DNAJA4: variants seen among roughly 807,000 people sequenced by gnomAD.
DNAJA4 encodes dnaJ homolog subfamily A member 4.
Under a neutral mutation model 39.7 loss-of-function variants are expected in DNAJA4, and 32 were observed. The ratio of observed to expected loss-of-function variants is 0.81; its 90% CI spans 0.61 to 1.08. DNAJA4 has a LOEUF of 1.08. Ranked by LOEUF, DNAJA4 falls within the 50% of genes least tolerant of loss-of-function variation. DNAJA4 has a pLI of 0.00. For missense variants in DNAJA4, 439 were observed against 505.1 expected (o/e 0.87, Z 1.25); for synonymous variants, 184 against 182.4 (o/e 1.01, Z -0.07).
chr15:78,266,210 C>T, intron 1 of DNAJA4: 2 of 1,613,642 alleles, frequency 1.2e-6, no homozygotes, highest in Non-Finnish European at 8.5e-7. Flanking sequence ...TTGTAGGCTT[C>T]TAATTTCACA....
chr15:78,267,161 T>TGTGA (rs1488209740), intron 1 of DNAJA4, among the ~76,000 whole-genome samples: 2 of 109,642 alleles, frequency 1.8e-5, no homozygotes, highest in Non-Finnish European at 3.9e-5. Context: ...TGAGTGTGTA[T>TGTGA]GTGAGTGTGT....
chr15:78,271,695 T>G (rs577042545), intron 2 of DNAJA4, among the ~76,000 whole-genome samples: 92 of 152,340 alleles, frequency 6.0e-4, no homozygotes, highest in Non-Finnish European at 1.3e-4. Flanking sequence ...ATCTCACCTC[T>G]GCCAGGCTAC....
chr15:78,267,160 A>ATGTGGGTG (rs1172183770), intron 1 of DNAJA4, among the ~76,000 whole-genome samples: 1 of 131,160 alleles, frequency 7.6e-6, no homozygotes. Flanking sequence ...GTGAGTGTGT[A>ATGTGGGTG]TGTGAGTGTG....
chr15:78,267,357 G>A (rs1241576198), intron 1 of DNAJA4, among the ~76,000 whole-genome samples: 2 of 152,110 alleles, frequency 1.3e-5, no homozygotes, highest in African/African-American at 2.4e-5. Context: ...TGAGAAGGCC[G>A]TTGAAATGTT....
chr15:78,270,037 C>T (rs1219507111), intron 1 of DNAJA4: 1 of 153,338 alleles, frequency 6.5e-6, no homozygotes, highest in Non-Finnish European at 1.5e-5. Context: ...CAATGTCTGG[C>T]ACGTGGTTAG....
At chr15:78,265,740 C>G (rs2049105416) in intron 1 of DNAJA4, 1 of 681,330 alleles carries the variant, frequency 1.5e-6, no homozygotes, top group Non-Finnish European at 2.7e-6. Flanking sequence ...TTCCTCCTTT[C>G]ACTTCTTGCC....
chr15:78,280,028 G>T lies in DNAJA4; in HGVS notation c.878-17G>T, dbSNP rs761754689. 6 of 1,613,354 alleles carry T rather than the reference G, an allele frequency of 3.7e-6. No individual in the cohort carries two copies. The East Asian group carries it at 1.1e-4, about 30-fold the overall frequency. On this transcript the variant is annotated splice_polypyrimidine_tract_variant and intron_variant, in intron 5 of 6. Coordinates refer to ENST00000394852, the MANE Select transcript of DNAJA4 (RefSeq NM_001130182.2). ...CCCTCTGCCTTCCTCCTTCCTAATTGACCCTTTCTCTGGCAGGTGAGGTGA... is the reference window on the plus strand; with the variant it reads ...CCCTCTGCCTTCCTCCTTCCTAATTTACCCTTTCTCTGGCAGGTGAGGTGA...
At position 78,281,494 on chromosome 15, in the gene DNAJA4, A is replaced by G. The variant is rs2049655556; in HGVS notation, c.*1034A>G. ...CATATTACAAAGGGTTTCCTGCTCA[A>G]GTGATGTTTTGGTAAGAACTTCGCT... On this transcript the variant is annotated 3_prime_UTR_variant, in exon 7 of 7. Transcript: ENST00000394852. The G allele has an allele frequency of 6.6e-6, 1 of 152,210 alleles. No individual in the cohort carries two copies. Among genetic ancestry groups the G allele is most frequent in the Admixed American group, 6.5e-5 (1 of 15,280 alleles). 9.4% of individuals were successfully genotyped at this position (152,210 alleles called of 1,614,324 possible). A position where few individuals can be genotyped will look rare whatever the true frequency, so the allele number is the denominator to read the frequency against.
Position 78,264,746 on chromosome 15 carries a change from C to T in DNAJA4, c.-18C>T, listed in dbSNP as rs759414127. The T allele has an allele frequency of 2.7e-5, 37 of 1,376,434 alleles. No homozygotes were observed. The highest frequency in any genetic ancestry group is 3.5e-5 in the Non-Finnish European group (37 of 1,057,054). 85.3% of individuals were successfully genotyped at this position (1,376,434 alleles called of 1,614,324 possible). A position where few individuals can be genotyped will look rare whatever the true frequency, so the allele number is the denominator to read the frequency against. On this transcript the variant is annotated 5_prime_UTR_variant, in exon 1 of 7. Coordinates refer to ENST00000394852, the MANE Select transcript of DNAJA4 (RefSeq NM_001130182.2). ...GGGCGCTCTGACCGGCCTCGCCCGC[C>T]CCCCCCGCAGACACAAGATGGTGAA...
intron 3 of DNAJA4, among the ~76,000 whole-genome samples, chr15:78,273,499 C>G (rs11853191): frequency 4.6e-5 from 7 of 152,162 alleles, no homozygotes; most frequent in Non-Finnish European, 1.0e-4. Flanking sequence ...CATATGTATA[C>G]AGACAATTAT....
intron 1 of DNAJA4, among the ~76,000 whole-genome samples, chr15:78,267,318 A>G (rs904019375): frequency 5.3e-5 from 8 of 152,118 alleles, no homozygotes; most frequent in Admixed American, 2.0e-4. Flanking sequence ...AATAGACTAC[A>G]CCAGTTCTTT....
intron 1 of DNAJA4, chr15:78,265,950 G>A (rs2049110299): frequency 1.7e-6 from 1 of 585,408 alleles, no homozygotes. Flanking sequence ...ACTTCAGGAC[G>A]GTTGGCTGAA....
intron 1 of DNAJA4, chr15:78,265,526 G>T: frequency 1.4e-6 from 1 of 702,308 alleles, no homozygotes. Context: ...CTCATATTCT[G>T]GGTTTTCGGT....
rs905876057 is a variant in DNAJA4, at chr15:78,275,740, A to T, written c.877+12A>T. The T allele has an allele frequency of 6.4e-7, 1 of 1,573,802 alleles. No homozygotes were observed. The highest frequency in any genetic ancestry group is 1.7e-5 in the Admixed American group (1 of 59,418). ...TACATCCAAAGCAGGTAATGTTTCAAAGTGTGTTTCCATTGATGTTCTGTA... is the reference window on the plus strand; with the variant it reads ...TACATCCAAAGCAGGTAATGTTTCATAGTGTGTTTCCATTGATGTTCTGTA... On this transcript the variant is annotated intron_variant, in intron 5 of 6. Coordinates refer to ENST00000394852, the MANE Select transcript of DNAJA4 (RefSeq NM_001130182.2).
chr15:78,274,110 GTTCCCTACCC>G, intron 3 of DNAJA4, 77 bp from the exon 4 acceptor site: 15 of 1,303,500 alleles, frequency 1.2e-5, no homozygotes, highest in Non-Finnish European at 1.6e-5. Context: ...CAATGTGAGG[GTTCCCTACCC>G]TTCTGCCATG....
In DNAJA4 at chr15:78,280,440, G is replaced by C. The variant is rs2049624229; in HGVS notation, c.1174G>C (p.Val392Leu). The part of the protein sequence containing the change: ...EEDEDGPQAG[V>L]QCQTA ...GGACGAAGACGGGCCCCAGGCTGGA[G>C]TGCAGTGCCAGACGGCATGACGTGG... The change falls in exon 7 of 7, where the codon GTG becomes CTG. Residue 392 changes from valine to leucine, a missense_variant. By Grantham distance (32) the Val-to-Leu change is conservative. Coordinates refer to ENST00000394852, the MANE Select transcript of DNAJA4 (RefSeq NM_001130182.2). The C allele has an allele frequency of 6.2e-7, 1 of 1,612,344 alleles. No homozygotes were observed. The highest frequency in any genetic ancestry group is 1.1e-5 in the South Asian group (1 of 90,864).
In DNAJA4 at chr15:78,280,457, A is replaced by G. The variant is rs781088087; in HGVS notation, c.1191A>G (p.Ala397=). 2 of 1,608,448 alleles carry G rather than the reference A, an allele frequency of 1.2e-6. No homozygotes were observed. The highest frequency in any genetic ancestry group is 1.1e-5 in the South Asian group (1 of 90,490). Residue 397 remains alanine, a synonymous_variant, in exon 7 of 7, where the codon GCA becomes GCG. Transcript: ENST00000394852. ...GPQAGVQCQT[A] ...AGGCTGGAGTGCAGTGCCAGACGGC[A>G]TGACGTGGTGCGGGGCAGCGTGGCC...
rs1298429327 is a variant in DNAJA4, at chr15:78,282,163, TTTAAAA to T, written c.*1712_*1717del. Reference sequence around the variant, plus strand: ...TTTATTCCACCTGTACATTTGTCACTTTAAAATTAAAATTGAGCTGGTATGAGAGAT... The same window carrying T: ...TTTATTCCACCTGTACATTTGTCACTTTAAAATTGAGCTGGTATGAGAGAT... On this transcript the variant is annotated 3_prime_UTR_variant, in exon 7 of 7. Transcript: ENST00000394852. The T allele has an allele frequency of 1.3e-5, 2 of 152,202 alleles. No homozygotes were observed. The highest frequency in any genetic ancestry group is 1.5e-5 in the Non-Finnish European group (1 of 68,030). The allele number at this position is 152,202 out of a possible 1,614,324, so 9.4% of individuals were successfully genotyped here.
Position 78,282,154 on chromosome 15 carries a change from A to C in DNAJA4, c.*1694A>C, listed in dbSNP as rs1266448068. 6.6e-6 allele frequency: 1 copy of C among 152,128 alleles called. No homozygotes were observed. Among genetic ancestry groups the C allele is most frequent in the Non-Finnish European group, 1.5e-5 (1 of 68,012 alleles). 9.4% of individuals were successfully genotyped at this position (152,128 alleles called of 1,614,324 possible). A position where few individuals can be genotyped will look rare whatever the true frequency, so the allele number is the denominator to read the frequency against. ...GCTTAAAATTTTATTCCACCTGTACATTTGTCACTTTAAAATTAAAATTGA... is the reference window on the plus strand; with the variant it reads ...GCTTAAAATTTTATTCCACCTGTACCTTTGTCACTTTAAAATTAAAATTGA... On this transcript the variant is annotated 3_prime_UTR_variant, in exon 7 of 7. Transcript: ENST00000394852.
Sources: allele counts gnomAD v4.1 joint callset (sites outside exome capture counted in the v4.1 genomes callset), GRCh38; gene constraint gnomAD v4.1.1; transcripts MANE v1.5; gene names NCBI Gene and HGNC (gene_info 2026-07-23, HGNC 2026-07-21).